Variants in SMC2 observed in about 807,000 individuals in gnomAD.
SMC2 encodes structural maintenance of chromosomes protein 2.
SMC2 carries 41 observed loss-of-function variants against 142.6 expected under a neutral mutation model. The observed-to-expected ratio is 0.29, with a 90% CI of 0.22 to 0.37. SMC2 has a LOEUF of 0.37. Ranked by LOEUF, SMC2 falls within the 10% of genes least tolerant of loss-of-function variation. The pLI, the probability that SMC2 is intolerant of heterozygous loss-of-function variation, is 1.00. For missense variants in SMC2, 1,265 were observed against 1,373.7 expected (o/e 0.92, Z 1.25); for synonymous variants, 463 against 457.5 (o/e 1.01, Z -0.15).
intron 16 of SMC2, among the ~76,000 whole-genome samples, chr9:104,122,666 T>TA (rs1833865667): frequency 6.6e-6 from 1 of 152,166 alleles, no homozygotes; most frequent in South Asian, 2.1e-4. Context: ...CTATTTTTCT[T>TA]ACACTAAAAG....
At chr9:104,095,896 A>G (rs1830399867) in intron 2 of SMC2, among the ~76,000 whole-genome samples, 1 of 152,234 alleles carries the variant, frequency 6.6e-6, no homozygotes, top group African/African-American at 2.4e-5. Context: ...TATCTTGCAA[A>G]GTAACTTTTT....
chr9:104,111,186 T>C (rs988897572), intron 9 of SMC2, among the ~76,000 whole-genome samples: 4 of 152,194 alleles, frequency 2.6e-5, no homozygotes, highest in African/African-American at 9.6e-5. Flanking sequence ...CTCTTGACAG[T>C]TTATAAAATA....
chr9:104,098,007 A>C (rs1830650057), intron 3 of SMC2, among the ~76,000 whole-genome samples: 1 of 152,214 alleles, frequency 6.6e-6, no homozygotes, highest in Admixed American at 6.5e-5. Flanking sequence ...ATGGTCATAA[A>C]TCATGTCTTT....
At chr9:104,134,197 T>G (rs534597192) in intron 22 of SMC2, among the ~76,000 whole-genome samples, 3 of 152,218 alleles carry the variant, frequency 2.0e-5, no homozygotes, top group African/African-American at 7.2e-5. Context: ...CCATCCAGTC[T>G]CTGTTGCAAC....
upstream of SMC2, chr9:104,092,964 G>A (rs1178093984): frequency 6.6e-6 from 1 of 152,158 alleles, no homozygotes; most frequent in African/African-American, 2.4e-5. Context: ...ATAGGCCCAA[G>A]CGAGGGCCTC....
At chr9:104,100,562 T>G in intron 7 of SMC2, 129 bp downstream of exon 7, 1 of 608,408 alleles carries the variant, frequency 1.6e-6, no homozygotes, top group South Asian at 2.1e-5. Context: ...GGAATTAGAG[T>G]TGGCACTCCA....
chr9:104,123,233 G>A lies in SMC2; in HGVS notation c.2257+1G>A, dbSNP rs1833919853. On this transcript the variant is annotated splice_donor_variant, in intron 17 of 24. Transcript: ENST00000374793. LOFTEE classifies it high-confidence loss of function. ...TTAGATGCCCTTAAAAAAACCATTG[G>A]TAAGATGAAAACAGTCCATGCTTAA... is the stretch of plus-strand genomic sequence containing the variant. 2 of 1,611,416 alleles carry A rather than the reference G, an allele frequency of 1.2e-6. No individual in the cohort carries two copies. Among genetic ancestry groups the A allele is most frequent in the Non-Finnish European group, 1.7e-6 (2 of 1,178,612 alleles).
At chr9:104,101,402 A>G (rs1831103602) in intron 7 of SMC2, among the ~76,000 whole-genome samples, 1 of 152,224 alleles carries the variant, frequency 6.6e-6, no homozygotes, top group Admixed American at 6.5e-5. Flanking sequence ...AGAAAACACT[A>G]GATCAGGAAT....
In SMC2 at chr9:104,118,384, T is replaced by G; in HGVS notation, c.1996+9T>G. 6.2e-7 allele frequency: 1 copy of G among 1,606,150 alleles called. No individual in the cohort carries two copies. Among genetic ancestry groups the G allele is most frequent in the Non-Finnish European group, 8.5e-7 (1 of 1,174,086 alleles). On this transcript the variant is annotated intron_variant, in intron 15 of 24. Coordinates refer to ENST00000374793, the MANE Select transcript of SMC2 (RefSeq NM_006444.3). Reference sequence around the variant, plus strand: ...TGGGACATTGAGTGGAGGTAAGTTTTATATCCTTTTCTCCTCACAATTCTT... The same window carrying G: ...TGGGACATTGAGTGGAGGTAAGTTTGATATCCTTTTCTCCTCACAATTCTT...
chr9:104,104,218 ACT>A (rs1831499032), intron 9 of SMC2, among the ~76,000 whole-genome samples: 1 of 151,896 alleles, frequency 6.6e-6, no homozygotes, highest in Admixed American at 6.6e-5. Flanking sequence ...AACTCCCTAA[ACT>A]CTATGAAGCA....
intron 14 of SMC2, among the ~76,000 whole-genome samples, chr9:104,117,410 G>A (rs1339675260): frequency 2.0e-5 from 3 of 152,178 alleles, no homozygotes; most frequent in South Asian, 2.1e-4. Context: ...TAAAAGAGAT[G>A]CTTAGTTTTT....
intron 23 of SMC2, among the ~76,000 whole-genome samples, chr9:104,135,650 G>A (rs1677510174): frequency 6.6e-6 from 1 of 152,106 alleles, no homozygotes; most frequent in African/African-American, 2.4e-5. Context: ...TAAAACTGCT[G>A]AAAACCAGTG....
chr9:104,140,094 A>AT lies in SMC2; in HGVS notation c.*783dup, dbSNP rs1835934636. On this transcript the variant is annotated 3_prime_UTR_variant, in exon 25 of 25. Transcript: ENST00000374793. ...GCAAATTTATCTGAAGTTTGTTAATATTTTCCAAGATTTTTGTCAGCCTTT... is the reference window on the plus strand; with the variant it reads ...GCAAATTTATCTGAAGTTTGTTAATATTTTTCCAAGATTTTTGTCAGCCTTT... The AT allele has an allele frequency of 6.6e-6, 1 of 151,992 alleles. No individual in the cohort carries two copies. The highest frequency in any genetic ancestry group is 1.5e-5 in the Non-Finnish European group (1 of 67,976). The allele number at this position is 151,992 out of a possible 1,614,324, so 9.4% of individuals were successfully genotyped here.
chr9:104,091,257 CT>C (rs1305364801), upstream of SMC2, among the ~76,000 whole-genome samples: 1 of 152,194 alleles, frequency 6.6e-6, no homozygotes, highest in East Asian at 1.9e-4. Flanking sequence ...ATATTATAGC[CT>C]TATGATTCTA....
At position 104,132,937 on chromosome 9, in the gene SMC2, G is replaced by A. The variant is rs1477314052; in HGVS notation, c.3108+812G>A. Among the ~76,000 whole-genome samples, 2 of 151,518 alleles carry A rather than the reference G, an allele frequency of 1.3e-5. 1 individual carries two copies. Among genetic ancestry groups the A allele is most frequent in the South Asian group, 4.2e-4 (2 of 4,796 alleles). ...ATCCTGCTCTTCCCAAATTTCCAAG[G>A]TTCTTCCAAAGCCAGTAACATTTAT... On this transcript the variant is annotated intron_variant, in intron 22 of 24. Coordinates refer to ENST00000374793, the MANE Select transcript of SMC2 (RefSeq NM_006444.3).
At position 104,114,093 on chromosome 9, in the gene SMC2, A is replaced by C; in HGVS notation, c.1532+12A>C. 7.2e-7 allele frequency: 1 copy of C among 1,384,164 alleles called. No individual in the cohort carries two copies. Among genetic ancestry groups the C allele is most frequent in the Non-Finnish European group, 1.0e-6 (1 of 1,000,520 alleles). 85.7% of individuals were successfully genotyped at this position (1,384,164 alleles called of 1,614,324 possible). On this transcript the variant is annotated intron_variant, in intron 12 of 24. Transcript: ENST00000374793. ...CGATTTGCATACAAGTAAGAGACTT[A>C]AGCCTTGAATTTTAACATAGTAATA...
chr9:104,090,335 G>A (rs186068695), upstream of SMC2, among the ~76,000 whole-genome samples: 487 of 152,272 alleles, frequency 3.2e-3, 4 homozygotes, highest in African/African-American at 0.011. Flanking sequence ...GGAGCCAGTA[G>A]TTGAGTTTTA....
upstream of SMC2, among the ~76,000 whole-genome samples, chr9:104,089,269 G>A (rs1448093405): frequency 6.6e-6 from 1 of 152,110 alleles, no homozygotes. Context: ...TGGTGTAAGA[G>A]GTAGTGGAGA....
At chr9:104,101,379 T>C (rs896329303) in intron 7 of SMC2, among the ~76,000 whole-genome samples, 1 of 152,224 alleles carries the variant, frequency 6.6e-6, no homozygotes, top group Non-Finnish European at 1.5e-5. Context: ...CCTTTTTGTA[T>C]GTATGATTTA....
Sources: gnomAD v4.1 joint callset for allele counts (sites outside exome capture counted in the v4.1 genomes callset) on GRCh38, gnomAD v4.1.1 for gene constraint, MANE v1.5 for transcripts, NCBI Gene and HGNC (gene_info 2026-07-23, HGNC 2026-07-21) for gene names.